GRB10: variants seen among roughly 807,000 people sequenced by gnomAD.
The protein encoded by GRB10 is growth factor receptor bound protein 10, also known as growth factor receptor-bound protein 10.
A neutral mutation model predicts 80.9 loss-of-function variants in GRB10; 20 were observed. The ratio of observed to expected loss-of-function variants is 0.25; its 90% CI spans 0.17 to 0.36. The LOEUF (loss-of-function observed/expected upper bound fraction) is 0.36. Ranked by LOEUF, GRB10 falls within the 10% of genes least tolerant of loss-of-function variation. GRB10 has a pLI of 1.00. For synonymous variants in GRB10, 291 were observed against 291.5 expected, an observed-to-expected ratio of 1.00 and a Z score of 0.02; for missense variants, 548 against 747.7, an observed-to-expected ratio of 0.73 and a Z score of 3.12.
intron 4 of GRB10, chr7:50,705,382 TTC>T: frequency 1.5e-6 from 1 of 677,852 alleles, no homozygotes; most frequent in Non-Finnish European, 1.8e-6. Context: ...TTTCACCAGC[TTC>T]TCTCTTTTTC....
intron 17 of GRB10, among the ~76,000 whole-genome samples, chr7:50,600,285 C>A (rs1301459083): frequency 6.6e-6 from 1 of 152,136 alleles, no homozygotes; most frequent in African/African-American, 2.4e-5. Flanking sequence ...CTCAGGCATG[C>A]CAGAAACTTT....
At chr7:50,732,208 A>T in intron 4 of GRB10, 64 bp downstream of exon 4, 1 of 1,508,206 alleles carries the variant, frequency 6.6e-7, no homozygotes, top group Non-Finnish European at 9.2e-7. Flanking sequence ...TGCTGGCGAC[A>T]TGTGTGCCCT....
chr7:50,653,904 TAC>T (rs2058320395), intron 7 of GRB10, among the ~76,000 whole-genome samples: 1 of 152,188 alleles, frequency 6.6e-6, no homozygotes, highest in South Asian at 2.1e-4. Context: ...TGTAAGTGAT[TAC>T]AGACACTAAT....
chr7:50,728,214 T>TGGG (rs10538509), intron 4 of GRB10, among the ~76,000 whole-genome samples: 179 of 148,940 alleles, frequency 1.2e-3, no homozygotes, highest in East Asian at 6.4e-3. Flanking sequence ...AGCCAAAGTA[T>TGGG]GGGGGGGGGG....
chr7:50,696,509 C>G (rs1229465784), intron 5 of GRB10, among the ~76,000 whole-genome samples: 1 of 152,190 alleles, frequency 6.6e-6, no homozygotes, highest in Non-Finnish European at 1.5e-5. Flanking sequence ...ACCACTGCAC[C>G]ACACGGCCCA....
intron 5 of GRB10, among the ~76,000 whole-genome samples, chr7:50,687,012 T>C (rs1177601570): frequency 6.6e-6 from 1 of 152,174 alleles, no homozygotes; most frequent in Non-Finnish European, 1.5e-5. Flanking sequence ...TTACCCTGAG[T>C]CTGGCACACA....
chr7:50,612,178 T>G (rs1306360974), intron 13 of GRB10, among the ~76,000 whole-genome samples: 1 of 152,256 alleles, frequency 6.6e-6, no homozygotes, highest in Non-Finnish European at 1.5e-5. Context: ...TAATTCATCA[T>G]GTTTACTTCA....
chr7:50,591,958 C>G lies in GRB10; in HGVS notation c.*994G>C, dbSNP rs1389284942. On this transcript the variant is annotated 3_prime_UTR_variant, in exon 19 of 19. Coordinates refer to ENST00000401949, the MANE Select transcript of GRB10 (RefSeq NM_001350814.2). ...CCCCCGAGGGACATCAGCCGTGAAA[C>G]GACTCACACCACTGCAGCAGCAGGG... 6.6e-6 allele frequency: 1 copy of G among 152,222 alleles called. No homozygotes were observed. Among genetic ancestry groups the G allele is most frequent in the Non-Finnish European group, 1.5e-5 (1 of 68,054 alleles). 9.4% of individuals were successfully genotyped at this position (152,222 alleles called of 1,614,324 possible). A position where few individuals can be genotyped will look rare whatever the true frequency, so the allele number is the denominator to read the frequency against.
At chr7:50,701,356 A>G (rs909854148) in intron 5 of GRB10, among the ~76,000 whole-genome samples, 1 of 152,166 alleles carries the variant, frequency 6.6e-6, no homozygotes, top group Non-Finnish European at 1.5e-5. Flanking sequence ...AAGCACTTCC[A>G]GTGGTCGACA....
At chr7:50,789,319 G>C (rs1385939603) in intron 1 of GRB10, among the ~76,000 whole-genome samples, 1 of 152,308 alleles carries the variant, frequency 6.6e-6, no homozygotes, top group East Asian at 1.9e-4. Context: ...CAAGGCTGAC[G>C]GCAAAGTGCC....
chr7:50,736,216 G>A (rs544439396), intron 3 of GRB10, among the ~76,000 whole-genome samples: 32 of 152,280 alleles, frequency 2.1e-4, no homozygotes, highest in African/African-American at 7.0e-4. Flanking sequence ...AACCTGGGAG[G>A]TGGAGGTTGC....
chr7:50,700,288 T>G (rs1290810110), intron 5 of GRB10, among the ~76,000 whole-genome samples: 1 of 152,250 alleles, frequency 6.6e-6, no homozygotes, highest in Non-Finnish European at 1.5e-5. Flanking sequence ...GAGTCTATTT[T>G]GTTTTTACAT....
intron 7 of GRB10, among the ~76,000 whole-genome samples, chr7:50,648,179 G>A (rs1057043892): frequency 6.6e-6 from 1 of 152,136 alleles, no homozygotes; most frequent in African/African-American, 2.4e-5. Context: ...CCCAGTGACT[G>A]AAGAGCCAGC....
upstream of GRB10, among the ~76,000 whole-genome samples, chr7:50,787,323 G>C (rs898704807): frequency 6.6e-6 from 1 of 152,076 alleles, no homozygotes; most frequent in Admixed American, 6.5e-5. Context: ...CTATTGTCTA[G>C]ACCTCTTCAG....
At chr7:50,609,851 G>A (rs974894275) in intron 13 of GRB10, among the ~76,000 whole-genome samples, 2 of 152,198 alleles carry the variant, frequency 1.3e-5, no homozygotes, top group African/African-American at 2.4e-5. Flanking sequence ...ATCTGCTGGC[G>A]CTACTAAGAG....
intron 7 of GRB10, among the ~76,000 whole-genome samples, chr7:50,641,885 G>A (rs986250030): frequency 2.0e-5 from 3 of 152,208 alleles, no homozygotes; most frequent in African/African-American, 7.2e-5. Flanking sequence ...TCTGCAGACT[G>A]GCGCCGAGGA....
chr7:50,685,134 T>A (rs994648125), intron 5 of GRB10, among the ~76,000 whole-genome samples: 2 of 152,230 alleles, frequency 1.3e-5, no homozygotes, highest in East Asian at 3.8e-4. Flanking sequence ...TCCATAAATT[T>A]AAAATCCATT....
At chr7:50,721,680 C>T (rs1280128553) in intron 4 of GRB10, among the ~76,000 whole-genome samples, 13 of 152,096 alleles carry the variant, frequency 8.5e-5, no homozygotes, top group Admixed American at 8.5e-4. Context: ...TCTCACCTCA[C>T]CATGTCACCC....
intron 2 of GRB10, among the ~76,000 whole-genome samples, chr7:50,770,592 G>A (rs1356075658): frequency 6.6e-6 from 1 of 152,220 alleles, no homozygotes; most frequent in African/African-American, 2.4e-5. Context: ...AGTAAGATAC[G>A]ATGTGTCCTT....
Sources: allele counts gnomAD v4.1 joint callset (sites outside exome capture counted in the v4.1 genomes callset), GRCh38; gene constraint gnomAD v4.1.1; transcripts MANE v1.5; gene names NCBI Gene and HGNC (gene_info 2026-07-23, HGNC 2026-07-21).